The following KLRB1 variants were observed in gnomAD, a reference collection of about 807,000 sequenced individuals.
KLRB1 encodes the protein killer cell lectin like receptor B1.
A neutral mutation model predicts 33.5 loss-of-function variants in KLRB1; 27 were observed. The observed-to-expected ratio is 0.81, with a 90% CI of 0.59 to 1.11. The LOEUF (loss-of-function observed/expected upper bound fraction) is 1.11, where lower values mean the gene tolerates loss of function less well. Ranked by LOEUF, KLRB1 falls within the 50% of genes most tolerant of loss-of-function variation. KLRB1 has a pLI of 0.00. For synonymous variants in KLRB1, 64 were observed against 88.9 expected, an observed-to-expected ratio of 0.72 and a Z score of 1.58; for missense variants, 241 against 254.1, an observed-to-expected ratio of 0.95 and a Z score of 0.35.
intron 5 of KLRB1, among the ~76,000 whole-genome samples, chr12:9,596,308 A>T (rs1864492221): frequency 6.6e-6 from 1 of 152,216 alleles, no homozygotes; most frequent in Admixed American, 6.5e-5. Context: ...GGCTATTGCA[A>T]AAGTTCCCTA....
chr12:9,594,662 A>T lies in KLRB1; in HGVS notation c.*612T>A, dbSNP rs1246180503. 2 of 152,220 alleles carry T rather than the reference A, an allele frequency of 1.3e-5. No homozygotes were observed. The highest frequency in any genetic ancestry group is 2.9e-5 in the Non-Finnish European group (2 of 68,066). 9.4% of individuals were successfully genotyped at this position (152,220 alleles called of 1,614,324 possible). A position where few individuals can be genotyped will look rare whatever the true frequency, so the allele number is the denominator to read the frequency against. On this transcript the variant is annotated 3_prime_UTR_variant, in exon 6 of 6. Coordinates refer to ENST00000229402, the MANE Select transcript of KLRB1 (RefSeq NM_002258.3). ...AGCAAGATGCTTTTATGCTTTTTAG[A>T]CCAAGAATGATAAATTTGAAAAGAA...
At position 9,595,510 on chromosome 12, in the gene KLRB1, A is replaced by G. The variant is rs1864484488; in HGVS notation, c.531-89T>C. On this transcript the variant is annotated intron_variant, in intron 5 of 5. Transcript: ENST00000229402. ...CCATTATTTCCTAGGACTCTCAGGA[A>G]GCAGTAGAATGATAAACTATTAAAC... 24 of 1,212,344 alleles carry G rather than the reference A, an allele frequency of 2.0e-5. No individual in the cohort carries two copies. The East Asian group carries it at 5.6e-4, about 28-fold the overall frequency. 75.1% of individuals were successfully genotyped at this position (1,212,344 alleles called of 1,614,324 possible).
At chr12:9,599,309 A>C (rs1468501915) in intron 3 of KLRB1, among the ~76,000 whole-genome samples, 6 of 152,220 alleles carry the variant, frequency 3.9e-5, no homozygotes, top group Non-Finnish European at 8.8e-5. Flanking sequence ...ACTCAACAGT[A>C]GTCACCTTTT....
intron 1 of KLRB1, among the ~76,000 whole-genome samples, chr12:9,603,425 C>CTATTTATTTATT (rs56793467): frequency 1.3e-5 from 2 of 150,378 alleles, no homozygotes; most frequent in Admixed American, 1.3e-4. Context: ...TAACTTAATT[C>CTATTTATTTATT]TATTTATTTA....
At chr12:9,598,013 T>C in intron 5 of KLRB1, 33 bp downstream of exon 5, 2 of 978,004 alleles carry the variant, frequency 2.0e-6, no homozygotes, top group South Asian at 2.9e-5. Context: ...CTGATATAAA[T>C]TGAATATTAA....
chr12:9,607,846 CAG>C lies in KLRB1; in HGVS notation c.-9_-8del, dbSNP rs780016562. ...ATATTGCTTGTTGGTCCATGGCAGA[CAG>C]AGGAAGGTGGCATTAAACTTGTGTG... On this transcript the variant is annotated 5_prime_UTR_variant, in exon 1 of 6. Coordinates refer to ENST00000229402, the MANE Select transcript of KLRB1 (RefSeq NM_002258.3). 26 of 1,603,258 alleles carry C rather than the reference CAG, an allele frequency of 1.6e-5. 2 individuals carry two copies. The highest frequency in any genetic ancestry group is 1.7e-6 in the Non-Finnish European group (2 of 1,170,676).
chr12:9,602,012 T>C (rs971380139), intron 1 of KLRB1, among the ~76,000 whole-genome samples: 6 of 152,284 alleles, frequency 3.9e-5, no homozygotes, highest in African/African-American at 1.4e-4. Flanking sequence ...TTTTTGAGGC[T>C]CTCTCTATTT....
intron 2 of KLRB1, among the ~76,000 whole-genome samples, chr12:9,600,659 G>C (rs1296351500): frequency 2.6e-5 from 4 of 152,130 alleles, no homozygotes; most frequent in Non-Finnish European, 2.9e-5. Context: ...GATTAAGGGC[G>C]GTGCAAGATG....
At chr12:9,605,018 G>A (rs1403911670) in intron 1 of KLRB1, among the ~76,000 whole-genome samples, 1 of 152,028 alleles carries the variant, frequency 6.6e-6, no homozygotes, top group East Asian at 1.9e-4. Flanking sequence ...GCCCTGGTGT[G>A]TGATGTTCCC....
At chr12:9,607,355 C>CTTCCTTTCTTTCTTTCTTTCTTTCTTT (rs1555097796) in intron 1 of KLRB1, among the ~76,000 whole-genome samples, 1,204 of 52,446 alleles carry the variant, frequency 0.023, 80 homozygotes, top group Non-Finnish European at 0.037. Flanking sequence ...TTTCTTTCTT[C>CTTCCTTTCTTTCTTTCTTTCTTTCTTT]CTTTCTTTCT....
intron 2 of KLRB1, among the ~76,000 whole-genome samples, chr12:9,601,026 G>GAGAT (rs1416133655): frequency 6.8e-5 from 9 of 131,654 alleles, no homozygotes; most frequent in Non-Finnish European, 1.3e-4. Context: ...TCCATCTACT[G>GAGAT]AGATAGGGAA....
intron 1 of KLRB1, among the ~76,000 whole-genome samples, chr12:9,604,262 A>T (rs886911103): frequency 1.3e-5 from 2 of 152,184 alleles, no homozygotes; most frequent in East Asian, 1.9e-4. Flanking sequence ...ATTTGAGTTT[A>T]AAAAGTATGT....
At chr12:9,600,380 T>C (rs182740236) in intron 2 of KLRB1, among the ~76,000 whole-genome samples, 15 of 152,290 alleles carry the variant, frequency 9.8e-5, no homozygotes, top group African/African-American at 3.4e-4. Flanking sequence ...AAAGTGGATA[T>C]GGACTGACTG....
intron 1 of KLRB1, chr12:9,606,477 T>C (rs1864600532): frequency 1.3e-5 from 2 of 151,766 alleles, no homozygotes; most frequent in Admixed American, 1.3e-4. Flanking sequence ...TCGTTACTGA[T>C]ATGCTCGAGT....
chr12:9,597,349 G>A (rs1259733432), intron 5 of KLRB1, among the ~76,000 whole-genome samples: 1 of 152,054 alleles, frequency 6.6e-6, no homozygotes, highest in East Asian at 1.9e-4. Flanking sequence ...GCTTGTGAGG[G>A]AAGAAAACAC....
At chr12:9,604,625 A>G (rs2120721084) in intron 1 of KLRB1, among the ~76,000 whole-genome samples, 1 of 152,212 alleles carries the variant, frequency 6.6e-6, no homozygotes, top group Middle Eastern at 3.4e-3. Context: ...CTTCTCTCTC[A>G]GGGGCTTATG....
chr12:9,601,946 T>C (rs765696943), intron 1 of KLRB1, among the ~76,000 whole-genome samples: 1 of 152,368 alleles, frequency 6.6e-6, no homozygotes, highest in South Asian at 2.1e-4. Context: ...TCTTAATGTA[T>C]GAAGTAAGTC....
chr12:9,606,608 T>C (rs1224769389), intron 1 of KLRB1, among the ~76,000 whole-genome samples: 3 of 148,398 alleles, frequency 2.0e-5, no homozygotes, highest in African/African-American at 4.9e-5. Context: ...TGTTCCCCTC[T>C]CTTGAGAGAG....
At chr12:9,606,644 C>T (rs926124307) in intron 1 of KLRB1, among the ~76,000 whole-genome samples, 1 of 99,048 alleles carries the variant, frequency 1.0e-5, no homozygotes, top group Admixed American at 1.2e-4. Context: ...ATTAAGCCTA[C>T]ACTTTATATA....
Sources: allele counts gnomAD v4.1 joint callset (sites outside exome capture counted in the v4.1 genomes callset), GRCh38; gene constraint gnomAD v4.1.1; transcripts MANE v1.5; gene names NCBI Gene and HGNC (gene_info 2026-07-23, HGNC 2026-07-21).